CNTNAP5: variants seen among roughly 807,000 people sequenced by gnomAD.
CNTNAP5 encodes contactin associated protein family member 5.
A neutral mutation model predicts 150.2 loss-of-function variants in CNTNAP5; 72 were observed. The ratio of observed to expected loss-of-function variants is 0.48; its 90% CI spans 0.40 to 0.58. The LOEUF (loss-of-function observed/expected upper bound fraction) is 0.58, where lower values mean the gene tolerates loss of function less well. Ranked by LOEUF, CNTNAP5 falls within the 20% of genes least tolerant of loss-of-function variation. The pLI, the probability that CNTNAP5 is intolerant of heterozygous loss-of-function variation, is 0.00. For synonymous variants in CNTNAP5, 672 were observed against 619.8 expected, an observed-to-expected ratio of 1.08 and a Z score of -1.25; for missense variants, 1,636 against 1,626.2, an observed-to-expected ratio of 1.01 and a Z score of -0.10.
chr2:124,506,252 A>T (rs779289049), intron 8 of CNTNAP5, among the ~76,000 whole-genome samples: 2 of 152,048 alleles, frequency 1.3e-5, no homozygotes, highest in Admixed American at 6.6e-5. Context: ...CATTAAAATC[A>T]TACCAGCTAA....
intron 21 of CNTNAP5, among the ~76,000 whole-genome samples, chr2:124,879,088 A>G (rs1325103112): frequency 6.6e-6 from 1 of 152,154 alleles, no homozygotes; most frequent in East Asian, 1.9e-4. Context: ...CTGATGGGTT[A>G]TAATCATGTT....
At chr2:124,622,626 G>A (rs1677641646) in intron 12 of CNTNAP5, among the ~76,000 whole-genome samples, 2 of 151,800 alleles carry the variant, frequency 1.3e-5, no homozygotes, top group Non-Finnish European at 2.9e-5. Context: ...AGTGTCATCA[G>A]CGTCTGTTGT....
intron 21 of CNTNAP5, 141 bp from the exon 22 acceptor site, chr2:124,902,741 G>C: frequency 1.9e-6 from 1 of 540,002 alleles, no homozygotes; most frequent in South Asian, 3.0e-5. Context: ...GATAAAGAGA[G>C]ATAGATAGGG....
chr2:124,579,298 G>A (rs1385996403), intron 11 of CNTNAP5, among the ~76,000 whole-genome samples: 1 of 152,090 alleles, frequency 6.6e-6, no homozygotes, highest in Non-Finnish European at 1.5e-5. Flanking sequence ...AAAGGATATG[G>A]TTACACAAAA....
intron 11 of CNTNAP5, among the ~76,000 whole-genome samples, chr2:124,564,064 A>T (rs1359361716): frequency 6.6e-6 from 1 of 152,240 alleles, no homozygotes; most frequent in Non-Finnish European, 1.5e-5. Flanking sequence ...GACTTCAAAT[A>T]GAAGAACTGA....
intron 3 of CNTNAP5, among the ~76,000 whole-genome samples, chr2:124,264,786 T>A (rs1687562370): frequency 6.6e-6 from 1 of 152,196 alleles, no homozygotes; most frequent in Admixed American, 6.5e-5. Context: ...GCAGCTCTGG[T>A]CATTCCTGAT....
chr2:124,832,214 A>G (rs1682730658), intron 19 of CNTNAP5, among the ~76,000 whole-genome samples: 1 of 152,172 alleles, frequency 6.6e-6, no homozygotes, highest in South Asian at 2.1e-4. Context: ...TTTATCCATA[A>G]TTTTTAAACA....
chr2:124,336,158 G>T (rs887877610), intron 3 of CNTNAP5, among the ~76,000 whole-genome samples: 1 of 152,090 alleles, frequency 6.6e-6, no homozygotes, highest in African/African-American at 2.4e-5. Context: ...AAATGAAATG[G>T]GACCATAGTA....
chr2:124,046,433 GAA>G (rs55954535), intron 1 of CNTNAP5, among the ~76,000 whole-genome samples: 2 of 134,600 alleles, frequency 1.5e-5, no homozygotes, highest in African/African-American at 5.7e-5. Flanking sequence ...ACAAAAGAGA[GAA>G]AAAAAAAAAA....
chr2:124,244,992 A>G (rs1012562395), intron 3 of CNTNAP5, among the ~76,000 whole-genome samples: 41 of 152,124 alleles, frequency 2.7e-4, no homozygotes, highest in Non-Finnish European at 5.9e-5. Flanking sequence ...TGGTTGCAAA[A>G]CTGTAGTTTC....
At chr2:124,395,405 C>T (rs1263131955) in intron 3 of CNTNAP5, among the ~76,000 whole-genome samples, 1 of 152,044 alleles carries the variant, frequency 6.6e-6, no homozygotes, top group East Asian at 1.9e-4. Flanking sequence ...TCCTCATTTC[C>T]AAAATGCCCA....
intron 1 of CNTNAP5, among the ~76,000 whole-genome samples, chr2:124,199,745 A>C (rs1685674611): frequency 6.6e-6 from 1 of 152,154 alleles, no homozygotes; most frequent in African/African-American, 2.4e-5. Flanking sequence ...GCTACCATGA[A>C]TTTCCCTTTT....
chr2:124,033,517 T>G (rs1286393459), intron 1 of CNTNAP5, among the ~76,000 whole-genome samples: 7 of 152,222 alleles, frequency 4.6e-5, no homozygotes. Flanking sequence ...ATGTGGTTTG[T>G]GTATTACCAT....
intron 1 of CNTNAP5, among the ~76,000 whole-genome samples, chr2:124,185,096 A>G (rs1685303585): frequency 6.6e-6 from 1 of 152,212 alleles, no homozygotes. Flanking sequence ...CCCAATTGAC[A>G]GATAAGGATA....
intron 21 of CNTNAP5, among the ~76,000 whole-genome samples, chr2:124,895,196 TTTATC>T (rs1678278075): frequency 6.6e-6 from 1 of 151,562 alleles, no homozygotes; most frequent in Admixed American, 6.6e-5. Flanking sequence ...TCTTCATCCT[TTTATC>T]TGTCAGTATG....
chr2:124,644,905 T>TACAC lies in CNTNAP5; in HGVS notation c.1877-2834_1877-2831dup, dbSNP rs3039906. 1.7e-3 allele frequency among the ~76,000 whole-genome samples: 248 copies of TACAC among 150,230 alleles called. 2 individuals carry two copies. In the South Asian group the frequency reaches 0.017, roughly 10 times the overall value. The stretch of plus-strand genomic sequence containing the variant: ...TATATATCATATGATCACACACACA[T>TACAC]ACACACACACACACACACACACTGT... On this transcript the variant is annotated intron_variant, in intron 12 of 23. Coordinates refer to ENST00000682447, the MANE Select transcript of CNTNAP5 (RefSeq NM_001367498.1).
At chr2:124,834,882 AAGAT>A (rs1241596234) in intron 19 of CNTNAP5, among the ~76,000 whole-genome samples, 1 of 151,812 alleles carries the variant, frequency 6.6e-6, no homozygotes, top group Non-Finnish European at 1.5e-5. Context: ...CCCCATCACT[AAGAT>A]AGATAGGCTA....
At chr2:124,385,395 C>T (rs978440910) in intron 3 of CNTNAP5, among the ~76,000 whole-genome samples, 4 of 152,262 alleles carry the variant, frequency 2.6e-5, no homozygotes, top group African/African-American at 4.8e-5. Context: ...GATATACATG[C>T]CTATTATCTC....
intron 6 of CNTNAP5, among the ~76,000 whole-genome samples, chr2:124,466,658 T>G (rs1265286477): frequency 3.3e-5 from 5 of 152,206 alleles, no homozygotes; most frequent in Non-Finnish European, 1.5e-5. Flanking sequence ...CAGTATTCAC[T>G]GAAAATTACT....
Sources: allele counts gnomAD v4.1 joint callset (sites outside exome capture counted in the v4.1 genomes callset), GRCh38; gene constraint gnomAD v4.1.1; transcripts MANE v1.5; gene names NCBI Gene and HGNC (gene_info 2026-07-23, HGNC 2026-07-21).